KAZN: variants seen among roughly 807,000 people sequenced by gnomAD.
The protein encoded by KAZN is kazrin, periplakin interacting protein, also known as kazrin.
In KAZN, 40 loss-of-function variants were observed where a neutral mutation model predicts 87.4. That is an observed-to-expected ratio of 0.46 (90% confidence interval 0.36 to 0.60). The LOEUF is 0.60. Ranked by LOEUF, KAZN falls within the 20% of genes least tolerant of loss-of-function variation. The pLI is 0.00. For missense variants in KAZN, 898 were observed against 1,073.9 expected (o/e 0.84, Z 2.29); for synonymous variants, 466 against 458.3 (o/e 1.02, Z -0.22).
intron 1 of KAZN, among the ~76,000 whole-genome samples, chr1:14,047,912 A>G (rs1332715070): frequency 1.3e-5 from 2 of 152,036 alleles, no homozygotes; most frequent in Non-Finnish European, 2.9e-5. Context: ...AAGGAAAGAA[A>G]GAAAGAACAA....
intron 2 of KAZN, among the ~76,000 whole-genome samples, chr1:14,230,002 G>A (rs1342938797): frequency 6.6e-6 from 1 of 152,242 alleles, no homozygotes; most frequent in Non-Finnish European, 1.5e-5. Flanking sequence ...CTTCCACAGT[G>A]ATGGAAATAG....
At chr1:14,227,966 G>A (rs1647446588) in intron 2 of KAZN, among the ~76,000 whole-genome samples, 1 of 152,148 alleles carries the variant, frequency 6.6e-6, no homozygotes. Context: ...GAACACTGCA[G>A]GATGCTTAGC....
chr1:14,943,362 G>A (rs184828700), intron 1 of KAZN, among the ~76,000 whole-genome samples: 14 of 152,136 alleles, frequency 9.2e-5, no homozygotes, highest in East Asian at 3.9e-4. Flanking sequence ...GTCACCCCCC[G>A]CCAGCTGCTG....
At chr1:14,018,311 A>C (rs1028628137) in intron 1 of KAZN, among the ~76,000 whole-genome samples, 12 of 152,168 alleles carry the variant, frequency 7.9e-5, no homozygotes, top group African/African-American at 2.7e-4. Context: ...CTTCGTGAGA[A>C]GACGATGTTT....
chr1:14,444,676 G>A lies in KAZN; in HGVS notation c.250-154307G>A, dbSNP rs147232012. Among the ~76,000 whole-genome samples the A allele has an allele frequency of 7.6e-4, 115 of 152,184 alleles. 1 individual carries two copies. Among genetic ancestry groups the A allele is most frequent in the African/African-American group, 2.7e-3 (113 of 41,504 alleles). On this transcript the variant is annotated intron_variant, in intron 2 of 16. Transcript: ENST00000636203. ...CACCCCGACGTCTGGGTAGAATCGG[G>A]GTTCTTCAGTGGATGCAGCTTGGGT...
At chr1:14,877,840 C>G (rs1264164837) in intron 1 of KAZN, among the ~76,000 whole-genome samples, 1 of 152,116 alleles carries the variant, frequency 6.6e-6, no homozygotes, top group Non-Finnish European at 1.5e-5. Context: ...TCACAATTAT[C>G]ATGAATATCT....
intron 2 of KAZN, among the ~76,000 whole-genome samples, chr1:14,483,164 G>C (rs912134180): frequency 6.6e-6 from 1 of 152,112 alleles, no homozygotes; most frequent in African/African-American, 2.4e-5. Flanking sequence ...TCTCAAATCT[G>C]ATTTATCTTC....
intron 1 of KAZN, among the ~76,000 whole-genome samples, chr1:14,760,270 C>T (rs1443949894): frequency 8.5e-5 from 13 of 152,090 alleles, no homozygotes; most frequent in Admixed American, 8.5e-4. Context: ...TTCTGAGAAA[C>T]GCCCCCAAGA....
chr1:14,290,220 G>C (rs901895444), intron 2 of KAZN, among the ~76,000 whole-genome samples: 5 of 152,104 alleles, frequency 3.3e-5, no homozygotes, highest in African/African-American at 1.2e-4. Context: ...TTGAATGTTG[G>C]CCTACTTTGC....
chr1:14,512,320 C>A (rs1432135293), intron 2 of KAZN, among the ~76,000 whole-genome samples: 2 of 152,172 alleles, frequency 1.3e-5, no homozygotes, highest in African/African-American at 4.8e-5. Context: ...CTGGATCATT[C>A]TTTGTTGTGG....
intron 2 of KAZN, among the ~76,000 whole-genome samples, chr1:14,247,129 T>A (rs944243036): frequency 5.9e-5 from 9 of 152,140 alleles, no homozygotes; most frequent in Admixed American, 3.3e-4. Context: ...ACATTTCTTA[T>A]TATAAAAAAA....
At chr1:14,413,654 A>C (rs115651360) in intron 2 of KAZN, among the ~76,000 whole-genome samples, 1 of 149,988 alleles carries the variant, frequency 6.7e-6, no homozygotes, top group African/African-American at 2.4e-5. Flanking sequence ...GACTACCTTT[A>C]TGACCTCTTG....
intron 1 of KAZN, among the ~76,000 whole-genome samples, chr1:14,155,638 T>C (rs889648210): frequency 1.4e-5 from 2 of 140,666 alleles, no homozygotes; most frequent in Admixed American, 6.8e-5. Flanking sequence ...TTGGTATTTT[T>C]CTTCTTCTTC....
intron 1 of KAZN, among the ~76,000 whole-genome samples, chr1:14,612,957 T>G (rs1357605206): frequency 2.0e-5 from 3 of 152,174 alleles, no homozygotes; most frequent in Admixed American, 6.5e-5. Context: ...TTTGACTTAC[T>G]AATAAAACCA....
chr1:15,040,039 T>C (rs1672733244), intron 3 of KAZN, among the ~76,000 whole-genome samples: 1 of 152,210 alleles, frequency 6.6e-6, no homozygotes, highest in East Asian at 1.9e-4. Flanking sequence ...ATCGGTGGAA[T>C]AGCAACATTA....
upstream of KAZN, among the ~76,000 whole-genome samples, chr1:14,598,412 G>A (rs1369629274): frequency 3.3e-5 from 5 of 152,134 alleles, no homozygotes; most frequent in Admixed American, 6.5e-5. This position sits in a 1 kb window ranked among gnomAD's most constrained non-coding sequence, Gnocchi z 4.2. Context: ...CACGGCTCGG[G>A]GCACCAGTTC....
chr1:15,094,806 CG>C lies in KAZN; in HGVS notation c.1429-4del. On this transcript the variant is annotated splice_polypyrimidine_tract_variant and splice_region_variant and intron_variant, in intron 9 of 14. Transcript: ENST00000376030. The surrounding 1 kb of genome is among the most constrained non-coding windows in gnomAD (Gnocchi z 4.5). ...CCAGCCCCCATATGACACTCCCTCC[CG>C]GGGGCAGGTGCTGCTGAGCCTGAGT... 2 of 1,543,920 alleles carry C rather than the reference CG, an allele frequency of 1.3e-6. No individual in the cohort carries two copies. The highest frequency in any genetic ancestry group is 8.8e-7 in the Non-Finnish European group (1 of 1,141,408).
chr1:14,265,651 C>T (rs887927688), intron 2 of KAZN, among the ~76,000 whole-genome samples: 10 of 152,180 alleles, frequency 6.6e-5, no homozygotes, highest in African/African-American at 2.4e-4. Context: ...ATCGAACCCT[C>T]AGTGTGGAAA....
chr1:13,976,251 A>G (rs2101062353), intron 1 of KAZN, among the ~76,000 whole-genome samples: 1 of 152,222 alleles, frequency 6.6e-6, no homozygotes, highest in African/African-American at 2.4e-5. Context: ...CATGCTTTTG[A>G]TTTTCAAAGA....
Sources: allele counts gnomAD v4.1 joint callset (sites outside exome capture counted in the v4.1 genomes callset), GRCh38; gene constraint gnomAD v4.1.1; non-coding constraint Gnocchi (gnomAD v3.1); transcripts MANE v1.5; gene names NCBI Gene and HGNC (gene_info 2026-07-23, HGNC 2026-07-21).